The following CCBE1 variants were observed in gnomAD, a reference collection of about 807,000 sequenced individuals.
CCBE1 encodes collagen and calcium binding EGF domains 1.
In CCBE1, 37 loss-of-function variants were observed where a neutral mutation model predicts 50.0. The ratio of observed to expected loss-of-function variants is 0.74; its 90% CI spans 0.57 to 0.97. The LOEUF (loss-of-function observed/expected upper bound fraction) is 0.97, where lower values mean the gene tolerates loss of function less well. Among genes scored for constraint, CCBE1 ranks in the 50% least tolerant of loss-of-function variants. The pLI is 0.00. For missense variants in CCBE1, 538 were observed against 523.8 expected, an observed-to-expected ratio of 1.03 and a Z score of -0.26; for synonymous variants, 234 against 203.7, an observed-to-expected ratio of 1.15 and a Z score of -1.27.
intron 6 of CCBE1, among the ~76,000 whole-genome samples, chr18:59,452,643 G>A (rs1372060538): frequency 2.6e-5 from 4 of 152,080 alleles, no homozygotes; most frequent in Non-Finnish European, 4.4e-5. Context: ...CACTGGCACA[G>A]GAGTAGAAAT....
At position 59,567,658 on chromosome 18, in the gene CCBE1, C is replaced by T. The variant is rs1324257462; in HGVS notation, c.213-87420G>A. Among the ~76,000 whole-genome samples, 2 of 152,304 alleles carry T rather than the reference C, an allele frequency of 1.3e-5. 1 individual carries two copies. The highest frequency in any genetic ancestry group is 4.1e-4 in the South Asian group (2 of 4,822). On this transcript the variant is annotated intron_variant, in intron 2 of 10. Coordinates refer to ENST00000439986, the MANE Select transcript of CCBE1 (RefSeq NM_133459.4). ...GCTCTGCTGGTCACTGACACCCCTT[C>T]TGTGTGTCATTTTCCAGGGCTGATG...
chr18:59,683,583 A>G (rs2144734686), intron 2 of CCBE1, among the ~76,000 whole-genome samples: 1 of 152,286 alleles, frequency 6.6e-6, no homozygotes, highest in Admixed American at 6.5e-5. Flanking sequence ...CTGTAATCCC[A>G]GCTACTCAGG....
At chr18:59,624,708 A>G (rs1433456453) in intron 2 of CCBE1, among the ~76,000 whole-genome samples, 1 of 152,202 alleles carries the variant, frequency 6.6e-6, no homozygotes, top group Non-Finnish European at 1.5e-5. Flanking sequence ...AAAACAAAAG[A>G]GAGCCTTGGA....
At chr18:59,495,410 T>TAC (rs149062893) in intron 2 of CCBE1, among the ~76,000 whole-genome samples, 2 of 144,952 alleles carry the variant, frequency 1.4e-5, no homozygotes, top group African/African-American at 5.1e-5. Flanking sequence ...TTTTTTTTTT[T>TAC]CCAGAGCGGG....
At chr18:59,677,406 A>T (rs2054520068) in intron 2 of CCBE1, among the ~76,000 whole-genome samples, 1 of 152,150 alleles carries the variant, frequency 6.6e-6, no homozygotes, top group African/African-American at 2.4e-5. Context: ...CACCATCTCT[A>T]CTTGGACCTG....
At chr18:59,639,020 T>A (rs1306965428) in intron 2 of CCBE1, among the ~76,000 whole-genome samples, 1 of 152,188 alleles carries the variant, frequency 6.6e-6, no homozygotes, top group African/African-American at 2.4e-5. Context: ...TTGTAAAATT[T>A]GAGAGGGTAA....
intron 2 of CCBE1, among the ~76,000 whole-genome samples, chr18:59,560,551 G>A (rs1209558433): frequency 6.6e-6 from 1 of 152,076 alleles, no homozygotes; most frequent in Non-Finnish European, 1.5e-5. Context: ...AACCACCATG[G>A]CACATGTATA....
intron 2 of CCBE1, among the ~76,000 whole-genome samples, chr18:59,572,101 A>T (rs950486112): frequency 1.3e-5 from 2 of 152,178 alleles, no homozygotes; most frequent in African/African-American, 4.8e-5. Flanking sequence ...AATGAAAAGA[A>T]TTTTTTTACT....
chr18:59,447,085 T>C (rs1910704722), intron 7 of CCBE1, among the ~76,000 whole-genome samples: 1 of 152,200 alleles, frequency 6.6e-6, no homozygotes, highest in Non-Finnish European at 1.5e-5. Context: ...GATGAAATGA[T>C]AGGATGTTCG....
At chr18:59,668,204 G>T (rs957663631) in intron 2 of CCBE1, among the ~76,000 whole-genome samples, 1 of 152,092 alleles carries the variant, frequency 6.6e-6, no homozygotes, top group Non-Finnish European at 1.5e-5. Context: ...TGGATCACAA[G>T]GTCAGGAGTT....
At chr18:59,438,641 T>C (rs1200871918) in intron 9 of CCBE1, among the ~76,000 whole-genome samples, 1 of 152,248 alleles carries the variant, frequency 6.6e-6, no homozygotes, top group Non-Finnish European at 1.5e-5. Flanking sequence ...ATTTAAAATT[T>C]ACAGGGGTCA....
chr18:59,567,799 G>A lies in CCBE1; in HGVS notation c.213-87561C>T, dbSNP rs7242473. Among the ~76,000 whole-genome samples, 9 of 152,012 alleles carry A rather than the reference G, an allele frequency of 5.9e-5. No individual in the cohort carries two copies. The East Asian group carries it at 7.7e-4, about 13-fold the overall frequency. ...GTTACTGACAGGGAAAAAGATGATC[G>A]TACTTAAAAGTCATTGCCAACAGTG... On this transcript the variant is annotated intron_variant, in intron 2 of 10. Transcript: ENST00000439986.
intron 2 of CCBE1, among the ~76,000 whole-genome samples, chr18:59,505,626 T>C (rs1441358718): frequency 1.3e-5 from 2 of 152,230 alleles, no homozygotes; most frequent in Admixed American, 6.5e-5. Flanking sequence ...CAATTTCATA[T>C]CTTCTAAAAT....
chr18:59,473,316 A>G (rs1912126387), intron 3 of CCBE1, among the ~76,000 whole-genome samples: 1 of 152,136 alleles, frequency 6.6e-6, no homozygotes, highest in South Asian at 2.1e-4. Context: ...CAGCTTTTCA[A>G]TGCTGCTGCA....
Position 59,545,556 on chromosome 18 carries a change from C to T in CCBE1, c.213-65318G>A, listed in dbSNP as rs142803290. ...TATAGATTTATCATTTACCCATTCC[C>T]TGACTCGTGGACTTTCATGTTCTAG... On this transcript the variant is annotated intron_variant, in intron 2 of 10. Coordinates refer to ENST00000439986, the MANE Select transcript of CCBE1 (RefSeq NM_133459.4). Among the ~76,000 whole-genome samples the T allele has an allele frequency of 1.6e-4, 24 of 152,342 alleles. 1 individual carries two copies. Among genetic ancestry groups the T allele is most frequent in the African/African-American group, 5.8e-4 (24 of 41,588 alleles).
chr18:59,481,816 C>G (rs1386594248), intron 2 of CCBE1, among the ~76,000 whole-genome samples: 1 of 152,072 alleles, frequency 6.6e-6, no homozygotes, highest in Non-Finnish European at 1.5e-5. Flanking sequence ...GTTCTTCAGG[C>G]TAACAGGAGA....
intron 2 of CCBE1, among the ~76,000 whole-genome samples, chr18:59,516,864 A>G (rs1914396957): frequency 6.6e-6 from 1 of 152,224 alleles, no homozygotes; most frequent in African/African-American, 2.4e-5. Context: ...CAGGATAGAT[A>G]GAGCCTTTGT....
chr18:59,664,287 T>A (rs948992582), intron 2 of CCBE1, among the ~76,000 whole-genome samples: 2 of 152,062 alleles, frequency 1.3e-5, no homozygotes, highest in African/African-American at 4.8e-5. Context: ...GGTTTCAACA[T>A]GTAAGTTTTG....
intron 2 of CCBE1, among the ~76,000 whole-genome samples, chr18:59,584,559 T>C (rs2053148802): frequency 6.6e-6 from 1 of 152,082 alleles, no homozygotes; most frequent in Admixed American, 6.5e-5. Flanking sequence ...TGGGAAGTGA[T>C]TGGATCACAG....
Sources: allele counts gnomAD v4.1 joint callset (sites outside exome capture counted in the v4.1 genomes callset), GRCh38; gene constraint gnomAD v4.1.1; transcripts MANE v1.5; gene names NCBI Gene and HGNC (gene_info 2026-07-23, HGNC 2026-07-21).